The following FUT8 variants were observed in gnomAD, a reference collection of about 807,000 sequenced individuals.
FUT8 encodes the protein alpha-(1,6)-fucosyltransferase.
In FUT8, 29 loss-of-function variants were observed where a neutral mutation model predicts 71.3. The observed-to-expected ratio is 0.41, with a 90% CI of 0.30 to 0.55. The LOEUF is 0.55. Ranked by LOEUF, FUT8 falls within the 20% of genes least tolerant of loss-of-function variation. FUT8 has a pLI of 0.34. For synonymous variants in FUT8, 254 were observed against 239.3 expected (o/e 1.06, Z -0.57); for missense variants, 544 against 702.1 (o/e 0.77, Z 2.55).
intron 2 of FUT8, among the ~76,000 whole-genome samples, chr14:65,557,982 C>A (rs1885686974): frequency 2.0e-5 from 3 of 152,060 alleles, no homozygotes. Flanking sequence ...CAAAGTGAAT[C>A]TTCTAAATGA....
chr14:65,615,042 A>T (rs1889210358), intron 3 of FUT8, among the ~76,000 whole-genome samples: 1 of 152,158 alleles, frequency 6.6e-6, no homozygotes, highest in African/African-American at 2.4e-5. Context: ...CTTTTATATT[A>T]TTGACTGATT....
chr14:65,508,590 T>TC (rs1475750957), intron 2 of FUT8, among the ~76,000 whole-genome samples: 6 of 124,204 alleles, frequency 4.8e-5, no homozygotes, highest in Non-Finnish European at 9.5e-5. Flanking sequence ...AACCTCCACC[T>TC]CCCGGGTTCA....
chr14:65,602,579 C>A (rs1448598750), intron 3 of FUT8, among the ~76,000 whole-genome samples: 2 of 151,544 alleles, frequency 1.3e-5, no homozygotes, highest in Admixed American at 1.3e-4. Flanking sequence ...ATTTTTAGTT[C>A]TTTAAGGAAT....
At chr14:65,693,542 G>C (rs1270351040) in intron 7 of FUT8, among the ~76,000 whole-genome samples, 1 of 152,204 alleles carries the variant, frequency 6.6e-6, no homozygotes, top group African/African-American at 2.4e-5. Context: ...GAGAGGGAGA[G>C]AGGGAGGGGG....
At chr14:65,495,395 C>T (rs995677311) in intron 2 of FUT8, among the ~76,000 whole-genome samples, 1 of 152,126 alleles carries the variant, frequency 6.6e-6, no homozygotes, top group African/African-American at 2.4e-5. Flanking sequence ...GGCAGGAGCA[C>T]TCTGGTGAAT....
At chr14:65,667,832 G>C (rs1172744383) in intron 6 of FUT8, among the ~76,000 whole-genome samples, 2 of 152,024 alleles carry the variant, frequency 1.3e-5, no homozygotes, top group Non-Finnish European at 2.9e-5. Context: ...CCCATACCAT[G>C]TATCACCATA....
At chr14:65,417,900 T>C (rs965037513) in intron 1 of FUT8, among the ~76,000 whole-genome samples, 1 of 152,172 alleles carries the variant, frequency 6.6e-6, no homozygotes, top group African/African-American at 2.4e-5. Context: ...ATAACTTGGG[T>C]TTTTAAAATT....
At position 65,638,776 on chromosome 14, in the gene FUT8, C is replaced by G. The variant is rs1890692128; in HGVS notation, c.597+9170C>G. Reference sequence around the variant, plus strand: ...TTATTTATGTGCTTGTATACTGACTCTGAGATCAAATTAATCATCACATAT... The same window carrying G: ...TTATTTATGTGCTTGTATACTGACTGTGAGATCAAATTAATCATCACATAT... On this transcript the variant is annotated intron_variant, in intron 6 of 10. Coordinates refer to ENST00000673929, the MANE Select transcript of FUT8 (RefSeq NM_001371533.1). This position sits in a 1 kb window ranked among gnomAD's most constrained non-coding sequence, Gnocchi z 4.5. 6.6e-6 allele frequency among the ~76,000 whole-genome samples: 1 copy of G among 152,172 alleles called. No homozygotes were observed. The highest frequency in any genetic ancestry group is 1.5e-5 in the Non-Finnish European group (1 of 68,036).
the FUT8 span, among the ~76,000 whole-genome samples, chr14:65,373,920 A>C: frequency 6.6e-6 from 1 of 152,054 alleles, no homozygotes; most frequent in Non-Finnish European, 1.5e-5. Context: ...TGGGGCACGG[A>C]CAGCTGCCTG....
chr14:65,573,394 A>G (rs957366580), intron 3 of FUT8, among the ~76,000 whole-genome samples: 1 of 152,160 alleles, frequency 6.6e-6, no homozygotes, highest in Non-Finnish European at 1.5e-5. Flanking sequence ...GAGTAAGGTA[A>G]CTTTCAATAT....
At chr14:65,430,952 C>G (rs1243172694) in intron 1 of FUT8, among the ~76,000 whole-genome samples, 3 of 151,242 alleles carry the variant, frequency 2.0e-5, no homozygotes, top group Non-Finnish European at 2.9e-5. Context: ...CAATTCTTTT[C>G]CACTTCCTAT....
intron 6 of FUT8, among the ~76,000 whole-genome samples, chr14:65,653,545 TC>T (rs1244889729): frequency 1.3e-5 from 2 of 152,106 alleles, no homozygotes; most frequent in Non-Finnish European, 2.9e-5. Context: ...AAAACTCAGA[TC>T]CATTCCCAGA....
chr14:65,730,844 A>G (rs769932266), intron 9 of FUT8, among the ~76,000 whole-genome samples: 4 of 152,222 alleles, frequency 2.6e-5, no homozygotes, highest in Non-Finnish European at 5.9e-5. Flanking sequence ...CCAACATTGC[A>G]TTCTAAGATT....
At chr14:65,427,146 A>G (rs1043136079) in intron 1 of FUT8, among the ~76,000 whole-genome samples, 6 of 151,956 alleles carry the variant, frequency 3.9e-5, no homozygotes, top group Admixed American at 6.6e-5. Flanking sequence ...ACAGGCGTGA[A>G]CCACCGCGCC....
chr14:65,741,031 A>C (rs1314608452), intron 10 of FUT8, among the ~76,000 whole-genome samples: 1 of 152,068 alleles, frequency 6.6e-6, no homozygotes, highest in Non-Finnish European at 1.5e-5. Context: ...AACTAAGATT[A>C]CCATAACTGG....
intron 2 of FUT8, among the ~76,000 whole-genome samples, chr14:65,505,881 C>A (rs899767491): frequency 6.6e-6 from 1 of 152,050 alleles, no homozygotes; most frequent in African/African-American, 2.4e-5. Context: ...TCCTTATTAT[C>A]TTCCTAGGAA....
At chr14:65,494,392 G>A (rs909573917) in intron 2 of FUT8, among the ~76,000 whole-genome samples, 2 of 152,074 alleles carry the variant, frequency 1.3e-5, no homozygotes, top group East Asian at 1.9e-4. Flanking sequence ...TTACCAGACA[G>A]TGCATTTACA....
At chr14:65,726,023 C>A (rs754731974) in intron 9 of FUT8, among the ~76,000 whole-genome samples, 35 of 152,214 alleles carry the variant, frequency 2.3e-4, no homozygotes, top group Non-Finnish European at 5.9e-5. Flanking sequence ...TGCACACACA[C>A]ACACACTGAG....
Position 65,430,713 on chromosome 14 carries a change from G to A in FUT8, c.-326+17499G>A, listed in dbSNP as rs567418521. Among the ~76,000 whole-genome samples, 26 of 152,248 alleles carry A rather than the reference G, an allele frequency of 1.7e-4. No homozygotes were observed. The South Asian group carries it at 3.5e-3, about 21-fold the overall frequency. On this transcript the variant is annotated intron_variant, in intron 1 of 10. Coordinates refer to ENST00000673929, the MANE Select transcript of FUT8 (RefSeq NM_001371533.1). Reference sequence around the variant, plus strand: ...AGAGCAAGACTAGAACCACATTAAAGCAGGAAGAATAATTAAAAGTTTTGT... The same window carrying A: ...AGAGCAAGACTAGAACCACATTAAAACAGGAAGAATAATTAAAAGTTTTGT...
Sources: gnomAD v4.1 joint callset for allele counts (sites outside exome capture counted in the v4.1 genomes callset) on GRCh38, gnomAD v4.1.1 for gene constraint, Gnocchi (gnomAD v3.1) non-coding constraint, MANE v1.5 for transcripts, NCBI Gene and HGNC (gene_info 2026-07-23, HGNC 2026-07-21) for gene names.